Variants in RRM2 observed in about 807,000 individuals in gnomAD.
RRM2 encodes ribonucleoside-diphosphate reductase subunit M2.
A neutral mutation model predicts 45.9 loss-of-function variants in RRM2; 6 were observed. That is an observed-to-expected ratio of 0.13 (90% CI 0.07 to 0.26). RRM2 has a LOEUF of 0.26. Ranked by LOEUF, RRM2 falls within the 10% of genes least tolerant of loss-of-function variation. RRM2 has a pLI of 1.00. For synonymous variants in RRM2, 177 were observed against 173.0 expected, an observed-to-expected ratio of 1.02 and a Z score of -0.18; for missense variants, 343 against 489.5, an observed-to-expected ratio of 0.70 and a Z score of 2.82.
At chr2:10,136,086 GAGA>G (rs914415640), downstream of RRM2, among the ~76,000 whole-genome samples, 6 of 152,156 alleles carry the variant, frequency 3.9e-5, no homozygotes, top group Non-Finnish European at 7.3e-5. Context: ...TACCGGATGT[GAGA>G]AGATGTTCCA....
chr2:10,190,239 GTGGTGA>G (rs1664261538), intron 3 of RRM2, among the ~76,000 whole-genome samples: 1 of 149,992 alleles, frequency 6.7e-6, no homozygotes, highest in Non-Finnish European at 1.5e-5. Context: ...GGTGATGATG[GTGGTGA>G]TGGTGGTGGT....
intron 4 of RRM2, 146 bp downstream of exon 4, chr2:10,123,998 G>C: frequency 1.5e-6 from 1 of 664,214 alleles, no homozygotes; most frequent in South Asian, 1.8e-5. Flanking sequence ...TTCCTGTTTT[G>C]TAACACTTTG....
At chr2:10,150,896 C>T (rs923812141) in intron 3 of RRM2, among the ~76,000 whole-genome samples, 3 of 151,644 alleles carry the variant, frequency 2.0e-5, no homozygotes, top group African/African-American at 7.3e-5. Flanking sequence ...TCACTGCAAC[C>T]TCCACCTCCT....
chr2:10,189,903 G>T (rs1409044469), intron 3 of RRM2, among the ~76,000 whole-genome samples: 1 of 152,216 alleles, frequency 6.6e-6, no homozygotes, highest in Non-Finnish European at 1.5e-5. Context: ...CCCTTCCCTC[G>T]AGAGGGTCTT....
intron 5 of RRM2, among the ~76,000 whole-genome samples, chr2:10,125,101 C>T (rs769378672): frequency 2.6e-5 from 4 of 152,186 alleles, no homozygotes; most frequent in Non-Finnish European, 5.9e-5. Context: ...GAAAAAATTC[C>T]TAGATGTTGG....
chr2:10,137,804 G>C (rs889587328), upstream of RRM2, among the ~76,000 whole-genome samples: 8 of 152,154 alleles, frequency 5.3e-5, no homozygotes, highest in African/African-American at 1.9e-4. Flanking sequence ...CTCTACTTCA[G>C]GGGGGTCTAG....
At chr2:10,140,391 A>G (rs1457579136), upstream of RRM2, among the ~76,000 whole-genome samples, 1 of 152,234 alleles carries the variant, frequency 6.6e-6, no homozygotes, top group African/African-American at 2.4e-5. Flanking sequence ...TGCCTTCACC[A>G]TGGATAAGAG....
chr2:10,122,745 C>A lies in RRM2; in HGVS notation c.-54C>A. The A allele has an allele frequency of 6.4e-7, 1 of 1,555,110 alleles. No homozygotes were observed. Among genetic ancestry groups the A allele is most frequent in the Non-Finnish European group, 8.7e-7 (1 of 1,149,342 alleles). Reference sequence around the variant, plus strand: ...CTGGAGTGAGGGGTCGCCCGTGCACCCTGTCCCAGCCGTCCTGTCCTGGCT... The same window carrying A: ...CTGGAGTGAGGGGTCGCCCGTGCACACTGTCCCAGCCGTCCTGTCCTGGCT... On this transcript the variant is annotated 5_prime_UTR_variant, in exon 1 of 10. Transcript: ENST00000304567.
intron 3 of RRM2, among the ~76,000 whole-genome samples, chr2:10,201,602 C>G (rs957341147): frequency 1.2e-4 from 19 of 152,196 alleles, no homozygotes; most frequent in African/African-American, 4.3e-4. Flanking sequence ...AAACCACCTT[C>G]TAAAGAGGAC....
chr2:10,205,770 C>T lies in RRM2; in HGVS notation n.483-4541C>T, dbSNP rs1664650594. Among the ~76,000 whole-genome samples the T allele has an allele frequency of 2.0e-5, 3 of 152,208 alleles. No homozygotes were observed. The South Asian group carries it at 6.2e-4, about 32-fold the overall frequency. On this transcript the variant is annotated intron_variant and non_coding_transcript_variant, in intron 3 of 3. Coordinates refer to the RRM2 transcript ENST00000381786. This position sits in a 1 kb window ranked among gnomAD's most constrained non-coding sequence, Gnocchi z 4.8. ...GCAATGGTGCAATCTCCGCTCACTG[C>T]AACCTCTGCCTCCTGGTTTCAAGTG...
At chr2:10,125,214 C>T (rs1355803068) in intron 5 of RRM2, among the ~76,000 whole-genome samples, 2 of 152,140 alleles carry the variant, frequency 1.3e-5, no homozygotes, top group African/African-American at 2.4e-5. Flanking sequence ...GGAGGACTTG[C>T]CTCCTAAGAA....
chr2:10,167,895 C>T (rs1663716035), intron 3 of RRM2, among the ~76,000 whole-genome samples: 1 of 152,134 alleles, frequency 6.6e-6, no homozygotes, highest in Non-Finnish European at 1.5e-5. Flanking sequence ...GTCTCCCGGG[C>T]TTTCTTGGAG....
chr2:10,209,153 G>C (rs1239694194), intron 3 of RRM2, among the ~76,000 whole-genome samples: 1 of 151,454 alleles, frequency 6.6e-6, no homozygotes, highest in East Asian at 1.9e-4. Context: ...TGCCTCCTGG[G>C]TTCAAGCAAT....
At chr2:10,167,762 C>T (rs755016354) in intron 3 of RRM2, among the ~76,000 whole-genome samples, 1 of 152,174 alleles carries the variant, frequency 6.6e-6, no homozygotes, top group Non-Finnish European at 1.5e-5. Flanking sequence ...AGACCTATGG[C>T]CTGCCTGTCC....
At chr2:10,139,238 C>T (rs901287844), upstream of RRM2, among the ~76,000 whole-genome samples, 18 of 152,184 alleles carry the variant, frequency 1.2e-4, no homozygotes, top group African/African-American at 3.9e-4. Context: ...TCCCGTCTGC[C>T]GCCTCAGCCC....
chr2:10,211,001 AG>A (rs1463112449), exon 4 of RRM2: 1 of 181,148 alleles, frequency 5.5e-6, no homozygotes, highest in East Asian at 1.6e-4. Context: ...CTGTTGTTTA[AG>A]GCACTCAATA....
chr2:10,202,945 C>T (rs549551600), intron 3 of RRM2, among the ~76,000 whole-genome samples: 1 of 152,316 alleles, frequency 6.6e-6, no homozygotes, highest in African/African-American at 2.4e-5. Flanking sequence ...TCATCCAGAA[C>T]AACACAGATT....
chr2:10,160,051 T>C (rs1663523225), intron 3 of RRM2, among the ~76,000 whole-genome samples: 1 of 152,150 alleles, frequency 6.6e-6, no homozygotes, highest in African/African-American at 2.4e-5. Context: ...CCTGCTCTTG[T>C]GTGATTTCCT....
At chr2:10,180,953 G>T (rs1664033030) in intron 3 of RRM2, among the ~76,000 whole-genome samples, 1 of 152,060 alleles carries the variant, frequency 6.6e-6, no homozygotes, top group Non-Finnish European at 1.5e-5. Context: ...TTTTAGTAGA[G>T]ATGGGGTTTC....
Sources: gnomAD v4.1 joint callset for allele counts (sites outside exome capture counted in the v4.1 genomes callset) on GRCh38, gnomAD v4.1.1 for gene constraint, Gnocchi (gnomAD v3.1) non-coding constraint, MANE v1.5 for transcripts, NCBI Gene and HGNC (gene_info 2026-07-23, HGNC 2026-07-21) for gene names.